The following TRMT11 variants were observed in gnomAD, a reference collection of about 807,000 sequenced individuals.
TRMT11 encodes the protein tRNA (guanine(10)-N(2))-methyltransferase TRMT11.
In TRMT11, 53 loss-of-function variants were observed where a neutral mutation model predicts 62.8. That is an observed-to-expected ratio of 0.84 (90% CI 0.68 to 1.06). The LOEUF is 1.06. Ranked by LOEUF, TRMT11 falls within the 50% of genes least tolerant of loss-of-function variation. The pLI is 0.00. For missense variants in TRMT11, 556 were observed against 553.4 expected, an observed-to-expected ratio of 1.00 and a Z score of -0.05; for synonymous variants, 188 against 190.3, an observed-to-expected ratio of 0.99 and a Z score of 0.10.
chr6:126,091,340 G>A (rs1422600470), intron 17 of TRMT11, among the ~76,000 whole-genome samples: 1 of 152,048 alleles, frequency 6.6e-6, no homozygotes, highest in African/African-American at 2.4e-5. Context: ...ACCAATCACC[G>A]ACTTTTCGCC....
intron 21 of TRMT11, among the ~76,000 whole-genome samples, chr6:126,151,113 T>C (rs1188316138): frequency 6.6e-6 from 1 of 152,214 alleles, no homozygotes; most frequent in Non-Finnish European, 1.5e-5. Context: ...CCTTCTGGCA[T>C]TTGCATATAC....
chr6:126,021,308 A>C, intron 12 of TRMT11, 28 bp downstream of exon 12: 1 of 1,608,780 alleles, frequency 6.2e-7, no homozygotes, highest in Non-Finnish European at 8.5e-7. Flanking sequence ...TTTTGGGATA[A>C]ATTCTGAAAG....
intron 1 of TRMT11, among the ~76,000 whole-genome samples, chr6:126,196,856 A>C (rs1778672757): frequency 6.6e-6 from 1 of 152,164 alleles, no homozygotes; most frequent in South Asian, 2.1e-4. Context: ...CTGGGAATTA[A>C]AATTTTTTTT....
At position 126,115,467 on chromosome 6, in the gene TRMT11, TTCAG is replaced by T. The variant is rs1777576503; in HGVS notation, c.*1688_*1691del. On this transcript the variant is annotated 3_prime_UTR_variant and NMD_transcript_variant, in exon 20 of 23. Transcript: ENST00000648977. ...TTGAATGCTATTGCTTAGAGGAAAA[TTCAG>T]TCACCTGATATTTGAAGTTTAGGTA... Among the ~76,000 whole-genome samples, 4 of 152,236 alleles carry T rather than the reference TTCAG, an allele frequency of 2.6e-5. No homozygotes were observed. In the South Asian group the frequency reaches 8.3e-4, roughly 32 times the overall value.
Position 126,184,609 on chromosome 6 carries a change from G to T in TRMT11, n.143+7274G>T, listed in dbSNP as rs909251415. ...TTCCCTTGATGGCAATAACTTGCTTGTCTGACCCTTTCTCTCCCCCTGTAT... is the reference window on the plus strand; with the variant it reads ...TTCCCTTGATGGCAATAACTTGCTTTTCTGACCCTTTCTCTCCCCCTGTAT... On this transcript the variant is annotated intron_variant and non_coding_transcript_variant, in intron 1 of 3. Transcript: ENST00000444229. Among the ~76,000 whole-genome samples, 5 of 152,250 alleles carry T rather than the reference G, an allele frequency of 3.3e-5. No homozygotes were observed. In the South Asian group the frequency reaches 1.0e-3, roughly 32 times the overall value.
chr6:126,131,856 G>A (rs1327706893), intron 21 of TRMT11, among the ~76,000 whole-genome samples: 1 of 151,874 alleles, frequency 6.6e-6, no homozygotes, highest in Non-Finnish European at 1.5e-5. Flanking sequence ...TGATGAGTAT[G>A]ATATAAAACC....
intron 1 of TRMT11, among the ~76,000 whole-genome samples, chr6:126,191,661 G>A (rs990211787): frequency 1.3e-5 from 2 of 151,786 alleles, no homozygotes; most frequent in African/African-American, 4.8e-5. Flanking sequence ...TCTTCTGCAT[G>A]TAGATATCTA....
intron 17 of TRMT11, among the ~76,000 whole-genome samples, chr6:126,072,673 C>T (rs181245324): frequency 1.3e-3 from 193 of 152,298 alleles, no homozygotes; most frequent in African/African-American, 4.5e-3. Context: ...TTATTTCTCA[C>T]AGTTCTGGAG....
downstream of TRMT11, among the ~76,000 whole-genome samples, chr6:126,041,955 CT>C (rs1226169922): frequency 2.6e-4 from 39 of 152,282 alleles, no homozygotes; most frequent in African/African-American, 9.4e-4. Context: ...TGATTTCCGA[CT>C]TACCCACTCC....
chr6:126,020,431 C>T (rs1013067512), intron 11 of TRMT11, among the ~76,000 whole-genome samples: 2 of 152,180 alleles, frequency 1.3e-5, no homozygotes, highest in African/African-American at 4.8e-5. Flanking sequence ...CTGTCAGATG[C>T]CAGATTCTGA....
intron 17 of TRMT11, among the ~76,000 whole-genome samples, chr6:126,079,498 C>T (rs772467324): frequency 6.6e-6 from 1 of 152,154 alleles, no homozygotes; most frequent in African/African-American, 2.4e-5. Context: ...AGAAAGCCCA[C>T]AAGATATCTT....
the TRMT11 span, among the ~76,000 whole-genome samples, chr6:126,225,685 ATTTTTTTTTTTT>A: frequency 0.35 from 33,412 of 96,532 alleles, 5,011 homozygotes; most frequent in Middle Eastern, 0.6. Flanking sequence ...TATGTTTACT[ATTTTTTTTTTTT>A]TTTTTTTTTT....
intron 16 of TRMT11, among the ~76,000 whole-genome samples, chr6:126,046,368 G>T (rs959388206): frequency 6.6e-6 from 1 of 152,158 alleles, no homozygotes; most frequent in African/African-American, 2.4e-5. Context: ...ATTTTGCTTT[G>T]TTTTGGGGAC....
intron 17 of TRMT11, among the ~76,000 whole-genome samples, chr6:126,095,224 C>G (rs1350817926): frequency 6.6e-6 from 1 of 152,194 alleles, no homozygotes; most frequent in African/African-American, 2.4e-5. Flanking sequence ...AATGGTCTTT[C>G]TAAGTGATAA....
chr6:126,182,489 G>T (rs1778478701), intron 1 of TRMT11, among the ~76,000 whole-genome samples: 1 of 151,998 alleles, frequency 6.6e-6, no homozygotes, highest in South Asian at 2.1e-4. Context: ...ATTGTTGAAG[G>T]CCTTAGTGGT....
chr6:125,989,519 C>T (rs779131220), intron 1 of TRMT11, among the ~76,000 whole-genome samples: 1 of 152,008 alleles, frequency 6.6e-6, no homozygotes, highest in Non-Finnish European at 1.5e-5. Flanking sequence ...TTCTGAAGTA[C>T]GAGAGAAAAG....
At chr6:126,205,561 AT>A (rs1778781492), downstream of TRMT11, among the ~76,000 whole-genome samples, 1 of 152,168 alleles carries the variant, frequency 6.6e-6, no homozygotes, top group African/African-American at 2.4e-5. Context: ...AGAGCATGTT[AT>A]TTTAAAGATG....
At chr6:126,083,109 C>T (rs747048641) in intron 17 of TRMT11, among the ~76,000 whole-genome samples, 2 of 152,052 alleles carry the variant, frequency 1.3e-5, no homozygotes, top group Non-Finnish European at 2.9e-5. Flanking sequence ...TATATTAAAA[C>T]CTCTTCTTGT....
At chr6:126,109,480 T>G (rs1204479815) in intron 17 of TRMT11, among the ~76,000 whole-genome samples, 2 of 152,224 alleles carry the variant, frequency 1.3e-5, no homozygotes, top group Admixed American at 1.3e-4. Flanking sequence ...GAAGTGATGC[T>G]ATGTTCTCAG....
Sources: allele counts gnomAD v4.1 joint callset (sites outside exome capture counted in the v4.1 genomes callset), GRCh38; gene constraint gnomAD v4.1.1; transcripts MANE v1.5; gene names NCBI Gene and HGNC (gene_info 2026-07-23, HGNC 2026-07-21).